AK9: variants seen among roughly 807,000 people sequenced by gnomAD.
AK9 encodes adenylate kinase domain containing 1.
In AK9, 191 loss-of-function variants were observed where a neutral mutation model predicts 239.6. The observed-to-expected ratio is 0.80, with a 90% CI of 0.71 to 0.90. The LOEUF (loss-of-function observed/expected upper bound fraction) is 0.90. AK9 is among the 40% of genes least tolerant of loss of function. The pLI, the probability that AK9 is intolerant of heterozygous loss-of-function variation, is 0.00. For synonymous variants in AK9, 689 were observed against 721.0 expected (o/e 0.96, Z 0.71); for missense variants, 1,995 against 2,214.7 (o/e 0.90, Z 1.99).
chr6:109,493,806 A>G (rs2115380906), intron 40 of AK9, among the ~76,000 whole-genome samples, 175 bp downstream of exon 40: 1 of 152,340 alleles, frequency 6.6e-6, no homozygotes, highest in African/African-American at 2.4e-5. Flanking sequence ...CTTTGAAAAT[A>G]GAATTTTAAC....
At position 109,564,789 on chromosome 6, in the gene AK9, C is replaced by T; in HGVS notation, c.2401G>A (p.Glu801Lys). 1.9e-6 allele frequency: 3 copies of T among 1,546,738 alleles called. No individual in the cohort carries two copies. Among genetic ancestry groups the T allele is most frequent in the Non-Finnish European group, 2.6e-6 (3 of 1,144,778 alleles). ...VETEIPKGSK[E>K]GLEIEKLSET... ...GATAATTTTTCAATTTCCAGGCCCT[C>T]TTTGGATCCTTTTGGGATTTCTGTT... The change falls in exon 22 of 41, where the codon GAG becomes AAG. Residue 801 changes from glutamate (E) to lysine (K), a missense_variant. By Grantham distance (56) the Glu-to-Lys change is moderately conservative. Transcript: ENST00000424296.
rs111754058 is a variant in AK9, at chr6:109,497,384, T to A, written c.5315+81A>T. The A allele has an allele frequency of 0.011, 5,576 of 499,620 alleles. 242 individuals carry two copies. The highest frequency in any genetic ancestry group is 0.097 in the African/African-American group (4,649 of 47,842). 30.9% of individuals were successfully genotyped at this position (499,620 alleles called of 1,614,324 possible). ...CACACTCTCTCTCTCTCTCTCTCTC[T>A]CACACACTCCTCTCCCCCGTTCCCA... On this transcript the variant is annotated intron_variant, in intron 38 of 40. Transcript: ENST00000424296.
At chr6:109,553,145 C>T (rs1193185150) in intron 24 of AK9, among the ~76,000 whole-genome samples, 1 of 152,160 alleles carries the variant, frequency 6.6e-6, no homozygotes, top group Non-Finnish European at 1.5e-5. Context: ...CGTGATGCCT[C>T]TAGCTTTGTT....
In AK9 at chr6:109,564,749, GT is replaced by G. The variant is rs1315266356; in HGVS notation, c.2434+6del. 6.5e-7 allele frequency: 1 copy of G among 1,528,486 alleles called. No homozygotes were observed. The highest frequency in any genetic ancestry group is 2.5e-5 in the East Asian group (1 of 40,536). The allele number at this position is 1,528,486 out of a possible 1,614,324, so 94.7% of individuals were successfully genotyped here. A position where few individuals can be genotyped will look rare whatever the true frequency, so the allele number is the denominator to read the frequency against. On this transcript the variant is annotated splice_donor_region_variant and intron_variant, in intron 22 of 40. Coordinates refer to ENST00000424296, the MANE Select transcript of AK9 (RefSeq NM_001145128.3). ...ATGCAAGAACTACTTTCATTTTACA[GT>G]CTAACCTGTTTCAGATAATTTTTCA...
intron 17 of AK9, among the ~76,000 whole-genome samples, chr6:109,589,698 G>A (rs1181526901): frequency 6.6e-6 from 1 of 152,160 alleles, no homozygotes; most frequent in Non-Finnish European, 1.5e-5. Flanking sequence ...TTGGCAGTGG[G>A]TTTGTTATAT....
intron 20 of AK9, 68 bp downstream of exon 20, chr6:109,579,482 T>A: frequency 7.0e-7 from 1 of 1,437,980 alleles, no homozygotes; most frequent in Non-Finnish European, 9.5e-7. Context: ...ATAATTCACT[T>A]GAAATACTGC....
intron 21 of AK9, 143 bp downstream of exon 21, chr6:109,573,299 G>A (rs1787661278): frequency 2.4e-6 from 2 of 844,854 alleles, no homozygotes; most frequent in Non-Finnish European, 3.4e-6. Flanking sequence ...TGTGGGATTT[G>A]GACTCAATGG....
chr6:109,649,356 C>T (rs1158055472), intron 8 of AK9, among the ~76,000 whole-genome samples: 1 of 151,858 alleles, frequency 6.6e-6, no homozygotes, highest in Non-Finnish European at 1.5e-5. Context: ...TCGTCTCAGC[C>T]CAAAATCTCC....
At chr6:109,636,565 C>T (rs185768232) in intron 10 of AK9, among the ~76,000 whole-genome samples, 20 of 151,430 alleles carry the variant, frequency 1.3e-4, no homozygotes, top group Admixed American at 3.3e-4. Flanking sequence ...TCTCCTTCCC[C>T]CCAGCCCCTG....
intron 17 of AK9, among the ~76,000 whole-genome samples, chr6:109,593,591 T>C (rs575056409): frequency 6.6e-6 from 1 of 152,268 alleles, no homozygotes; most frequent in African/African-American, 2.4e-5. Context: ...ATATCCCTGA[T>C]GAACATCAAT....
intron 17 of AK9, among the ~76,000 whole-genome samples, chr6:109,600,185 G>T (rs1273889966): frequency 1.3e-5 from 2 of 152,110 alleles, no homozygotes; most frequent in African/African-American, 4.8e-5. Flanking sequence ...TCCAGTTTTT[G>T]CCCATTCAGT....
At chr6:109,551,274 T>G (rs1361338563) in intron 24 of AK9, among the ~76,000 whole-genome samples, 1 of 152,100 alleles carries the variant, frequency 6.6e-6, no homozygotes, top group African/African-American at 2.4e-5. Flanking sequence ...TCCCAGCACT[T>G]TGGGAGGCCG....
At chr6:109,607,265 T>C (rs962528647) in intron 17 of AK9, among the ~76,000 whole-genome samples, 4 of 152,082 alleles carry the variant, frequency 2.6e-5, no homozygotes, top group Non-Finnish European at 4.4e-5. Context: ...TACAGAACAA[T>C]GCTGGGAAAA....
rs763509858 is a variant in AK9, at chr6:109,656,789, C to T, written c.726G>A (p.Lys242=). 1 of 1,604,232 alleles carries T rather than the reference C, an allele frequency of 6.2e-7. No individual in the cohort carries two copies. Among genetic ancestry groups the T allele is most frequent in the East Asian group, 2.2e-5 (1 of 44,778 alleles). Residue 242 remains lysine, a synonymous_variant, in exon 8 of 41, where the codon AAG becomes AAA. Coordinates refer to ENST00000424296, the MANE Select transcript of AK9 (RefSeq NM_001145128.3). ...DYLENVENIV[K]LYKETILQTL... Reference sequence around the variant, plus strand: ...TTTGGAGAATTGTTTCCTTATAAAGCTTAACAATGTTTTCAACATTTTCCA... The same window carrying T: ...TTTGGAGAATTGTTTCCTTATAAAGTTTAACAATGTTTTCAACATTTTCCA...
Position 109,541,145 on chromosome 6 carries a change from G to A in AK9, c.3350+902C>T, listed in dbSNP as rs369706553. Among the ~76,000 whole-genome samples the A allele has an allele frequency of 2.6e-5, 4 of 151,824 alleles. No individual in the cohort carries two copies. In the East Asian group the frequency reaches 7.8e-4, roughly 29 times the overall value. On this transcript the variant is annotated intron_variant, in intron 27 of 40. Coordinates refer to ENST00000424296, the MANE Select transcript of AK9 (RefSeq NM_001145128.3). ...TCAAGCCCCTTAGTATATCTCTCTG[G>A]GACTAATGCAATAACCTTTTCAAAA...
chr6:109,496,252 T>A (rs1034655924), intron 38 of AK9, among the ~76,000 whole-genome samples: 1 of 152,208 alleles, frequency 6.6e-6, no homozygotes, highest in African/African-American at 2.4e-5. Context: ...TGGGCAGCTC[T>A]GGTCCCCTCA....
chr6:109,641,660 A>G (rs753155353), intron 9 of AK9, 44 bp from the exon 10 acceptor site: 2 of 1,514,132 alleles, frequency 1.3e-6, no homozygotes, highest in South Asian at 2.3e-5. Context: ...GCATCTGAAT[A>G]TCTCAAATAC....
At position 109,666,586 on chromosome 6, in the gene AK9, C is replaced by T. The variant is rs559955929; in HGVS notation, c.332-3923G>A. Among the ~76,000 whole-genome samples, 45 of 152,334 alleles carry T rather than the reference C, an allele frequency of 3.0e-4. 2 individuals are homozygous for T. The highest frequency in any genetic ancestry group is 1.4e-3 in the Admixed American group (22 of 15,310). On this transcript the variant is annotated intron_variant, in intron 5 of 40. Coordinates refer to ENST00000424296, the MANE Select transcript of AK9 (RefSeq NM_001145128.3). ...ACCAATGAGAAACTGTAAGACTGTCCAGACCACTGCCCAGAGGAAACTGAC... is the reference window on the plus strand; with the variant it reads ...ACCAATGAGAAACTGTAAGACTGTCTAGACCACTGCCCAGAGGAAACTGAC...
At chr6:109,641,299 C>T (rs1035389662) in intron 10 of AK9, among the ~76,000 whole-genome samples, 1 of 149,354 alleles carries the variant, frequency 6.7e-6, no homozygotes, top group African/African-American at 2.4e-5. Context: ...TCCTGAGTAG[C>T]TGAGACTACA....
Sources: gnomAD v4.1 joint callset for allele counts (sites outside exome capture counted in the v4.1 genomes callset) on GRCh38, gnomAD v4.1.1 for gene constraint, MANE v1.5 for transcripts, NCBI Gene and HGNC (gene_info 2026-07-23, HGNC 2026-07-21) for gene names.